HECW2: variants seen among roughly 807,000 people sequenced by gnomAD.
HECW2 encodes HECT, C2 and WW domain containing E3 ubiquitin protein ligase 2.
HECW2 carries 61 observed loss-of-function variants against 175.2 expected under a neutral mutation model. That is an observed-to-expected ratio of 0.35 (90% CI 0.28 to 0.43). The LOEUF (loss-of-function observed/expected upper bound fraction) is 0.43. HECW2 is among the 20% of genes least tolerant of loss of function. The pLI is 1.00. For missense variants in HECW2, 1,524 were observed against 2,000.5 expected, an observed-to-expected ratio of 0.76 and a Z score of 4.54; for synonymous variants, 671 against 731.0, an observed-to-expected ratio of 0.92 and a Z score of 1.32.
At chr2:196,303,753 A>C (rs1691157259) in intron 13 of HECW2, among the ~76,000 whole-genome samples, 1 of 152,098 alleles carries the variant, frequency 6.6e-6, no homozygotes, top group Non-Finnish European at 1.5e-5. Context: ...GTCAGTGGTA[A>C]TCTGTCCCTT....
chr2:196,395,234 A>G (rs1217338127), intron 2 of HECW2, among the ~76,000 whole-genome samples: 1 of 152,226 alleles, frequency 6.6e-6, no homozygotes, highest in Non-Finnish European at 1.5e-5. Flanking sequence ...GGACTTAAAC[A>G]TAGAGCTAAA....
chr2:196,520,437 A>G (rs1688321144), intron 1 of HECW2, among the ~76,000 whole-genome samples: 2 of 152,234 alleles, frequency 1.3e-5, no homozygotes, highest in Non-Finnish European at 2.9e-5. Flanking sequence ...CAATTGCCGC[A>G]GGAAAAACTA....
At chr2:196,460,667 T>A (rs1462476408) in intron 1 of HECW2, among the ~76,000 whole-genome samples, 1 of 151,918 alleles carries the variant, frequency 6.6e-6, no homozygotes, top group Non-Finnish European at 1.5e-5. Context: ...TGGAGTACAG[T>A]GGTGCCATAA....
Position 196,292,641 on chromosome 2 carries a change from C to G in HECW2, c.2924G>C (p.Gly975Ala). 6.2e-7 allele frequency: 1 copy of G among 1,614,156 alleles called. No homozygotes were observed. The highest frequency in any genetic ancestry group is 8.5e-7 in the Non-Finnish European group (1 of 1,180,012). ...TTTGTTCGCGAACATGTTGAGGAAT[C>G]CCACAAGGTCGCGGTTATGCTGGTA... ...ERYQHNRDLV[G>A]FLNMFANKQL... Residue 975 changes from glycine (G) to alanine (A), a missense_variant, in exon 14 of 29, where the codon GGA (glycine) becomes GCA (alanine). Gly to Ala is a moderately conservative substitution (Grantham distance 60). Transcript: ENST00000644978.
intron 1 of HECW2, among the ~76,000 whole-genome samples, chr2:196,550,893 C>A (rs990641421): frequency 1.3e-5 from 2 of 152,064 alleles, no homozygotes; most frequent in African/African-American, 2.4e-5. Flanking sequence ...AGCTTAAGAC[C>A]AAATACAGTC....
At chr2:196,565,182 T>C (rs1209720669) in intron 1 of HECW2, among the ~76,000 whole-genome samples, 2 of 152,104 alleles carry the variant, frequency 1.3e-5, no homozygotes, top group Non-Finnish European at 2.9e-5. Context: ...AAACATCATC[T>C]TTAACTCACC....
intron 1 of HECW2, among the ~76,000 whole-genome samples, chr2:196,521,137 G>T (rs1400494915): frequency 6.6e-6 from 1 of 151,968 alleles, no homozygotes; most frequent in African/African-American, 2.4e-5. Flanking sequence ...AAGCTCTTTT[G>T]TAGGTAAAGT....
intron 1 of HECW2, among the ~76,000 whole-genome samples, chr2:196,532,355 A>C (rs1688867926): frequency 6.6e-6 from 1 of 152,180 alleles, no homozygotes; most frequent in Non-Finnish European, 1.5e-5. Context: ...GGAAACCATT[A>C]TTCTCAGCAA....
At chr2:196,524,354 G>C (rs1345328519) in intron 1 of HECW2, among the ~76,000 whole-genome samples, 1 of 105,428 alleles carries the variant, frequency 9.5e-6, no homozygotes, top group Non-Finnish European at 1.7e-5. Flanking sequence ...GTGTCTATTT[G>C]ATTCTTCTCT....
chr2:196,454,212 G>A (rs756249057), intron 1 of HECW2, among the ~76,000 whole-genome samples: 1 of 152,048 alleles, frequency 6.6e-6, no homozygotes, highest in Non-Finnish European at 1.5e-5. Flanking sequence ...CGCCCGCCTC[G>A]CCAGATTTAT....
chr2:196,300,945 T>C (rs1037026552), intron 13 of HECW2, among the ~76,000 whole-genome samples: 4 of 151,980 alleles, frequency 2.6e-5, no homozygotes, highest in Non-Finnish European at 5.9e-5. Flanking sequence ...ATGTGTGCCA[T>C]GGTGGTTTGC....
At chr2:196,271,922 G>A (rs1208209775) in intron 16 of HECW2, among the ~76,000 whole-genome samples, 2 of 152,080 alleles carry the variant, frequency 1.3e-5, no homozygotes, top group African/African-American at 4.8e-5. Context: ...CTGTGGCTTA[G>A]TTAAACATTC....
intron 17 of HECW2, among the ~76,000 whole-genome samples, chr2:196,261,073 G>C (rs1689271853): frequency 6.6e-6 from 1 of 152,174 alleles, no homozygotes; most frequent in Non-Finnish European, 1.5e-5. Context: ...ACACCTGGCT[G>C]CCCTTAGGCT....
intron 2 of HECW2, among the ~76,000 whole-genome samples, chr2:196,385,990 A>C (rs1276225078): frequency 6.6e-6 from 1 of 152,180 alleles, no homozygotes; most frequent in Non-Finnish European, 1.5e-5. Flanking sequence ...CCAATGTGCC[A>C]CCTCTACCCT....
chr2:196,205,163 T>A (rs1687022530), intron 28 of HECW2, among the ~76,000 whole-genome samples: 10 of 152,194 alleles, frequency 6.6e-5, no homozygotes, highest in Admixed American at 6.5e-4. Flanking sequence ...AAACAGCTCC[T>A]CTGGAAAATA....
chr2:196,446,036 T>C (rs947031330), intron 1 of HECW2, among the ~76,000 whole-genome samples: 1 of 152,110 alleles, frequency 6.6e-6, no homozygotes, highest in East Asian at 1.9e-4. Context: ...ATAACCCCTA[T>C]CTCATGCAGA....
chr2:196,555,588 A>G (rs1311289905), intron 1 of HECW2, among the ~76,000 whole-genome samples: 1 of 152,238 alleles, frequency 6.6e-6, no homozygotes, highest in African/African-American at 2.4e-5. Flanking sequence ...ATAAGAGTAC[A>G]CTTCAGAAAA....
chr2:196,381,781 A>G (rs1212497274), intron 2 of HECW2, among the ~76,000 whole-genome samples: 1 of 152,190 alleles, frequency 6.6e-6, no homozygotes, highest in African/African-American at 2.4e-5. Context: ...TTCCTGCAGA[A>G]ATCTACTGCA....
intron 1 of HECW2, among the ~76,000 whole-genome samples, chr2:196,580,522 T>C (rs900521340): frequency 1.3e-5 from 2 of 152,112 alleles, no homozygotes; most frequent in African/African-American, 4.8e-5. Flanking sequence ...GCAAAGAATT[T>C]GAATAGACAA....
Sources: allele counts gnomAD v4.1 joint callset (sites outside exome capture counted in the v4.1 genomes callset), GRCh38; gene constraint gnomAD v4.1.1; transcripts MANE v1.5; gene names NCBI Gene and HGNC (gene_info 2026-07-23, HGNC 2026-07-21).